The following ABTB3 variants were observed in gnomAD, a reference collection of about 807,000 sequenced individuals.
ABTB3 encodes the protein ankyrin repeat- and BTB/POZ domain-containing protein 3.
At chr12:107,547,170 G>C in the ABTB3 span, among the ~76,000 whole-genome samples, 1 of 151,312 alleles carries the variant, frequency 6.6e-6, no homozygotes, top group Non-Finnish European at 1.5e-5. Flanking sequence ...CTCCAACCTG[G>C]GTCACAAAGT....
chr12:107,430,292 T>C, the ABTB3 span, among the ~76,000 whole-genome samples: 20 of 152,256 alleles, frequency 1.3e-4, no homozygotes, highest in African/African-American at 4.6e-4. Flanking sequence ...AATAGCATCA[T>C]GTTGAATATT....
At chr12:107,553,938 G>A in the ABTB3 span, among the ~76,000 whole-genome samples, 1 of 151,116 alleles carries the variant, frequency 6.6e-6, no homozygotes, top group South Asian at 2.1e-4. Flanking sequence ...AGACTGTCTT[G>A]AGAGAGAGAG....
At chr12:107,570,548 C>T in the ABTB3 span, among the ~76,000 whole-genome samples, 2 of 152,108 alleles carry the variant, frequency 1.3e-5, no homozygotes, top group Non-Finnish European at 2.9e-5. Flanking sequence ...AGGGTTATGG[C>T]TAACCTATAG....
chr12:107,482,956 CTTTCTTTCTTTCTTTCT>C, the ABTB3 span, among the ~76,000 whole-genome samples: 2 of 53,138 alleles, frequency 3.8e-5, no homozygotes, highest in African/African-American at 1.6e-4. Context: ...TTCTTTCTTT[CTTTCTTTCTTTCTTTCT>C]TTCTTTCTTT....
the ABTB3 span, among the ~76,000 whole-genome samples, chr12:107,578,327 G>T: frequency 6.7e-6 from 1 of 148,314 alleles, no homozygotes; most frequent in Non-Finnish European, 1.5e-5. Flanking sequence ...GAGCTTGCCA[G>T]CTGTCTTGGT....
chr12:107,650,026 A>C, the ABTB3 span: 1 of 152,188 alleles, frequency 6.6e-6, no homozygotes. Context: ...AATCCTCAGC[A>C]AAAGAGCCAG....
At chr12:107,450,196 T>TA in the ABTB3 span, among the ~76,000 whole-genome samples, 1 of 152,076 alleles carries the variant, frequency 6.6e-6, no homozygotes, top group East Asian at 1.9e-4. Flanking sequence ...CTCCCTTTTT[T>TA]AAAAAAATCA....
the ABTB3 span, among the ~76,000 whole-genome samples, chr12:107,450,518 C>T: frequency 3.9e-5 from 6 of 151,966 alleles, no homozygotes; most frequent in South Asian, 1.3e-3. Flanking sequence ...AAGAGAAATT[C>T]GATTGAGGGA....
the ABTB3 span, among the ~76,000 whole-genome samples, chr12:107,551,645 G>A: frequency 6.6e-6 from 1 of 152,172 alleles, no homozygotes. Flanking sequence ...CTTTTGCACT[G>A]TGACAGAGTT....
chr12:107,561,515 TATA>T, the ABTB3 span, among the ~76,000 whole-genome samples: 15 of 152,168 alleles, frequency 9.9e-5, no homozygotes, highest in Admixed American at 2.0e-4. Flanking sequence ...GGAGTATAAT[TATA>T]ATTTAAAAAG....
At chr12:107,466,709 G>A in the ABTB3 span, among the ~76,000 whole-genome samples, 5 of 152,018 alleles carry the variant, frequency 3.3e-5, no homozygotes, top group African/African-American at 1.2e-4. Context: ...GAGCATGCAG[G>A]GCCTCTGGCA....
chr12:107,464,636 G>GA, the ABTB3 span, among the ~76,000 whole-genome samples: 1 of 152,192 alleles, frequency 6.6e-6, no homozygotes, highest in Admixed American at 6.5e-5. Flanking sequence ...CCAGAGGCCT[G>GA]AAAACAGTGA....
the ABTB3 span, among the ~76,000 whole-genome samples, chr12:107,458,696 T>C: frequency 1.3e-5 from 2 of 152,062 alleles, no homozygotes; most frequent in Admixed American, 1.3e-4. Flanking sequence ...GGAGTACCTG[T>C]GGGCAGGAAG....
chr12:107,468,183 G>T, the ABTB3 span, among the ~76,000 whole-genome samples: 22 of 152,120 alleles, frequency 1.4e-4, no homozygotes, highest in Non-Finnish European at 2.5e-4. Context: ...GCAGGGAATT[G>T]GTGTTGTATT....
chr12:107,609,005 T>C, the ABTB3 span, among the ~76,000 whole-genome samples: 1 of 136,466 alleles, frequency 7.3e-6, no homozygotes. Flanking sequence ...TAAAATAAAA[T>C]AAAATAAAGA....
At chr12:107,415,586 T>C in the ABTB3 span, among the ~76,000 whole-genome samples, 2 of 151,702 alleles carry the variant, frequency 1.3e-5, no homozygotes, top group East Asian at 3.9e-4. Context: ...CAGGTGCCTG[T>C]AGTCCCAGCT....
At chr12:107,332,297 T>A in the ABTB3 span, among the ~76,000 whole-genome samples, 2 of 152,200 alleles carry the variant, frequency 1.3e-5, no homozygotes, top group African/African-American at 2.4e-5. Flanking sequence ...GCCCAGCACA[T>A]CGTCATGGTA....
chr12:107,438,035 C>T, the ABTB3 span, among the ~76,000 whole-genome samples: 1 of 152,198 alleles, frequency 6.6e-6, no homozygotes, highest in South Asian at 2.1e-4. Flanking sequence ...TGGCCTCAGT[C>T]GGTCTCTCCT....
the ABTB3 span, chr12:107,615,149 T>G: frequency 1.2e-6 from 2 of 1,612,618 alleles, no homozygotes; most frequent in African/African-American, 2.7e-5. Flanking sequence ...CATGGACATA[T>G]TCCTGTAGTT....
Sources: gnomAD v4.1 joint callset for allele counts (sites outside exome capture counted in the v4.1 genomes callset) on GRCh38, gnomAD v4.1.1 for gene constraint, MANE v1.5 for transcripts, NCBI Gene and HGNC (gene_info 2026-07-23, HGNC 2026-07-21) for gene names.